Variants in BRD10 observed in about 807,000 individuals in gnomAD.
BRD10 encodes uncharacterized bromodomain-containing protein 10.
the BRD10 span, among the ~76,000 whole-genome samples, chr9:5,986,478 G>A: frequency 1.3e-5 from 2 of 152,056 alleles, no homozygotes; most frequent in East Asian, 1.9e-4. Context: ...TATTCCTTTG[G>A]GTTATATACC....
At chr9:5,965,466 G>T in the BRD10 span, among the ~76,000 whole-genome samples, 1 of 152,256 alleles carries the variant, frequency 6.6e-6, no homozygotes, top group East Asian at 1.9e-4. Flanking sequence ...AATTTATATG[G>T]TAAGAAAACC....
At chr9:5,922,938 A>G in the BRD10 span, 3 of 1,613,996 alleles carry the variant, frequency 1.9e-6, no homozygotes, top group Non-Finnish European at 2.5e-6. Flanking sequence ...TGATTTGTTA[A>G]GGTCACTTTA....
At chr9:5,895,644 G>C in the BRD10 span, among the ~76,000 whole-genome samples, 5 of 152,302 alleles carry the variant, frequency 3.3e-5, no homozygotes, top group African/African-American at 1.2e-4. Flanking sequence ...GTCATCCATG[G>C]AACTTGTTAA....
At chr9:5,975,379 C>T in the BRD10 span, among the ~76,000 whole-genome samples, 3 of 129,780 alleles carry the variant, frequency 2.3e-5, no homozygotes, top group East Asian at 6.8e-4. Flanking sequence ...GTGGAGGTTG[C>T]AGTGAGCCAG....
At chr9:6,000,642 T>C in the BRD10 span, among the ~76,000 whole-genome samples, 6 of 150,556 alleles carry the variant, frequency 4.0e-5, no homozygotes, top group Admixed American at 4.0e-4. Flanking sequence ...ATTAATATTT[T>C]CAAATGGAAG....
chr9:5,916,952 C>G, the BRD10 span, among the ~76,000 whole-genome samples: 2 of 152,154 alleles, frequency 1.3e-5, no homozygotes, highest in African/African-American at 4.8e-5. Context: ...ACCTACAAAA[C>G]TGGAGGCAAA....
At chr9:5,885,250 T>C in the BRD10 span, among the ~76,000 whole-genome samples, 1 of 152,228 alleles carries the variant, frequency 6.6e-6, no homozygotes, top group Non-Finnish European at 1.5e-5. Flanking sequence ...CATGAGTTCA[T>C]AGGCTCACCC....
the BRD10 span, among the ~76,000 whole-genome samples, chr9:5,985,806 T>TAAAG: frequency 6.0e-5 from 9 of 151,140 alleles, no homozygotes; most frequent in South Asian, 6.3e-4. Context: ...AATAAATAAA[T>TAAAG]AAAGAATTCT....
At chr9:5,969,171 G>T in the BRD10 span, 14 of 1,613,796 alleles carry the variant, frequency 8.7e-6, no homozygotes. Flanking sequence ...GTAGGTCTGC[G>T]ATGGGGAGGA....
chr9:5,883,524 G>T, the BRD10 span, among the ~76,000 whole-genome samples: 1 of 135,150 alleles, frequency 7.4e-6, no homozygotes, highest in South Asian at 2.4e-4. Context: ...GGAGTGTAGT[G>T]GTGCAATCAT....
the BRD10 span, among the ~76,000 whole-genome samples, chr9:5,882,062 T>C: frequency 4.6e-5 from 7 of 152,170 alleles, no homozygotes; most frequent in Non-Finnish European, 1.0e-4. Context: ...TCCTGCAGGA[T>C]TTTTAGATGT....
chr9:5,897,759 C>T, the BRD10 span: 1 of 994,968 alleles, frequency 1.0e-6, no homozygotes, highest in Non-Finnish European at 1.6e-6. Flanking sequence ...TTATAACCTT[C>T]AGCTCTGATT....
chr9:5,949,020 A>G, the BRD10 span, among the ~76,000 whole-genome samples: 1 of 152,196 alleles, frequency 6.6e-6, no homozygotes, highest in African/African-American at 2.4e-5. Flanking sequence ...CCATGTGATT[A>G]AACACAGATG....
the BRD10 span, among the ~76,000 whole-genome samples, chr9:5,893,232 G>A: frequency 6.6e-6 from 1 of 152,158 alleles, no homozygotes. Context: ...AAACCCAGAG[G>A]CTGCAGGGAC....
chr9:5,937,207 C>T, the BRD10 span, among the ~76,000 whole-genome samples: 4 of 142,542 alleles, frequency 2.8e-5, no homozygotes, highest in South Asian at 2.2e-4. Context: ...CTAGCCTGGG[C>T]GATAGAGCAA....
the BRD10 span, among the ~76,000 whole-genome samples, chr9:5,934,815 C>G: frequency 2.0e-5 from 3 of 152,044 alleles, no homozygotes; most frequent in Non-Finnish European, 4.4e-5. Context: ...TAACTATATC[C>G]AAAGGTATAA....
the BRD10 span, among the ~76,000 whole-genome samples, chr9:5,982,779 C>T: frequency 6.6e-6 from 1 of 152,082 alleles, no homozygotes; most frequent in South Asian, 2.1e-4. Flanking sequence ...AGTTTTTAGA[C>T]TATGAGAACA....
the BRD10 span, among the ~76,000 whole-genome samples, chr9:5,970,575 G>A: frequency 6.6e-6 from 1 of 152,110 alleles, no homozygotes; most frequent in South Asian, 2.1e-4. Flanking sequence ...GAGAAAAATA[G>A]ATAAACTGGG....
At chr9:5,925,404 G>A in the BRD10 span, among the ~76,000 whole-genome samples, 1 of 150,824 alleles carries the variant, frequency 6.6e-6, no homozygotes, top group African/African-American at 2.4e-5. Context: ...ATATATATCT[G>A]CAAATTTCAG....
Sources: allele counts gnomAD v4.1 joint callset (sites outside exome capture counted in the v4.1 genomes callset), GRCh38; gene constraint gnomAD v4.1.1; transcripts MANE v1.5; gene names NCBI Gene and HGNC (gene_info 2026-07-23, HGNC 2026-07-21).